The following HYAL4 variants were observed in gnomAD, a reference collection of about 807,000 sequenced individuals.
HYAL4 encodes the protein hyaluronidase-4.
A neutral mutation model predicts 35.2 loss-of-function variants in HYAL4; 37 were observed. The ratio of observed to expected loss-of-function variants is 1.05; its 90% CI spans 0.81 to 1.38. The LOEUF is 1.38. HYAL4 is among the 40% of genes most tolerant of loss of function. The pLI, the probability that HYAL4 is intolerant of heterozygous loss-of-function variation, is 0.00. For synonymous variants in HYAL4, 198 were observed against 203.2 expected, an observed-to-expected ratio of 0.97 and a Z score of 0.22; for missense variants, 572 against 572.4, an observed-to-expected ratio of 1.00 and a Z score of 0.01.
At chr7:123,834,019 G>A (rs1805923351) in intron 1 of HYAL4, among the ~76,000 whole-genome samples, 1 of 152,114 alleles carries the variant, frequency 6.6e-6, no homozygotes. Context: ...CAGGTAGTGT[G>A]ATGCTCCAGG....
chr7:123,876,950 AGTTTACT>A lies in HYAL4; in HGVS notation c.1244_1250del (p.Phe415Ter), dbSNP rs777422550. 2 of 1,614,086 alleles carry A rather than the reference AGTTTACT, an allele frequency of 1.2e-6. No homozygotes were observed. The highest frequency in any genetic ancestry group is 2.2e-5 in the South Asian group (2 of 91,082). ...CACATAGAGGCCTCTGAGGACGGGG[AGTTTACT>A]GTGAAAGGAAAAGCATCTGATACAG... On this transcript the variant is annotated frameshift_variant, in exon 5 of 5. Coordinates refer to ENST00000223026, the MANE Select transcript of HYAL4 (RefSeq NM_012269.3). LOFTEE classifies it low-confidence loss of function (END_TRUNC).
upstream of HYAL4, among the ~76,000 whole-genome samples, chr7:123,843,137 C>T (rs1040198746): frequency 1.2e-4 from 18 of 151,898 alleles, 1 homozygote; most frequent in African/African-American, 2.2e-4. Context: ...TGGCTGGTGC[C>T]GGTTGTTTCT....
chr7:123,839,002 T>C (rs1806011942), intron 1 of HYAL4, among the ~76,000 whole-genome samples: 1 of 152,118 alleles, frequency 6.6e-6, no homozygotes. Flanking sequence ...TAAATTATTA[T>C]TATACTTTAA....
the HYAL4 span, among the ~76,000 whole-genome samples, chr7:123,795,214 A>G: frequency 3.3e-5 from 5 of 152,238 alleles, no homozygotes; most frequent in African/African-American, 1.2e-4. Flanking sequence ...CATTGTATCT[A>G]GGAAGTAACT....
upstream of HYAL4, among the ~76,000 whole-genome samples, chr7:123,842,756 G>A (rs1015021281): frequency 4.6e-5 from 7 of 151,940 alleles, no homozygotes; most frequent in South Asian, 2.1e-4. Context: ...ATGTAATGGC[G>A]TTCTTTGTCT....
At chr7:123,809,338 A>T in the HYAL4 span, among the ~76,000 whole-genome samples, 1 of 151,214 alleles carries the variant, frequency 6.6e-6, no homozygotes, top group South Asian at 2.1e-4. Flanking sequence ...CTCCAAGTGC[A>T]CTGCGTGCAC....
At chr7:123,771,670 A>G in the HYAL4 span, among the ~76,000 whole-genome samples, 2 of 151,964 alleles carry the variant, frequency 1.3e-5, no homozygotes, top group African/African-American at 2.4e-5. Flanking sequence ...TACTTGACTT[A>G]TTGGTTAGTG....
At chr7:123,827,690 G>A (rs1035423038), upstream of HYAL4, among the ~76,000 whole-genome samples, 1 of 152,008 alleles carries the variant, frequency 6.6e-6, no homozygotes, top group African/African-American at 2.4e-5. Flanking sequence ...TGCTGGCCTC[G>A]TTCAACTACC....
chr7:123,857,006 A>G (rs997747089), intron 2 of HYAL4, among the ~76,000 whole-genome samples: 2 of 152,106 alleles, frequency 1.3e-5, no homozygotes, highest in Non-Finnish European at 2.9e-5. Flanking sequence ...CCGCCTACTC[A>G]AGCCTGGGTA....
chr7:123,857,733 C>CTTTCTTTCTTTCTTTCTTTA (rs1198587826), intron 2 of HYAL4, among the ~76,000 whole-genome samples: 1 of 144,182 alleles, frequency 6.9e-6, no homozygotes, highest in African/African-American at 2.6e-5. Context: ...TTCTTTCTTT[C>CTTTCTTTCTTTCTTTCTTTA]AATAGAAACA....
chr7:123,845,895 C>G (rs541585067), intron 1 of HYAL4, among the ~76,000 whole-genome samples: 1 of 152,158 alleles, frequency 6.6e-6, no homozygotes. Flanking sequence ...TTCCAGAGAG[C>G]TGAGTGGTAG....
the HYAL4 span, among the ~76,000 whole-genome samples, chr7:123,768,739 C>T: frequency 1.3e-5 from 2 of 152,172 alleles, no homozygotes; most frequent in African/African-American, 4.8e-5. Flanking sequence ...GCCAGGCAAA[C>T]AATTTCTCCC....
chr7:123,830,809 A>T (rs2116905446), intron 1 of HYAL4, among the ~76,000 whole-genome samples: 1 of 150,894 alleles, frequency 6.6e-6, no homozygotes, highest in Non-Finnish European at 1.5e-5. Context: ...TTTGCTTTCA[A>T]TTTTTTTTTC....
the HYAL4 span, among the ~76,000 whole-genome samples, chr7:123,809,222 T>C: frequency 6.6e-6 from 1 of 152,062 alleles, no homozygotes; most frequent in African/African-American, 2.4e-5. Flanking sequence ...ACCTGTCCAT[T>C]ATGTTCTTTG....
chr7:123,867,524 T>C lies in HYAL4; in HGVS notation c.-51-699T>C, dbSNP rs147395246. Among the ~76,000 whole-genome samples the C allele has an allele frequency of 3.3e-5, 5 of 152,224 alleles. No individual in the cohort carries two copies. The East Asian group carries it at 9.7e-4, about 29-fold the overall frequency. On this transcript the variant is annotated intron_variant, in intron 2 of 4. Transcript: ENST00000223026. The stretch of plus-strand genomic sequence containing the variant: ...GAACCCAGATAAGACAAATATAACT[T>C]TCTTAAGTTTTACCCTGGGAGGGTC...
the HYAL4 span, among the ~76,000 whole-genome samples, chr7:123,802,173 A>G: frequency 3.3e-5 from 5 of 152,212 alleles, no homozygotes; most frequent in Non-Finnish European, 5.9e-5. Context: ...TACTTGTTGC[A>G]GAAGTTTCTG....
the HYAL4 span, chr7:123,819,218 G>A: frequency 1.3e-5 from 2 of 152,496 alleles, no homozygotes; most frequent in Admixed American, 1.3e-4. Context: ...CCTTTGTTTT[G>A]GAAACAAAGA....
At chr7:123,785,017 T>C in the HYAL4 span, among the ~76,000 whole-genome samples, 262 of 152,292 alleles carry the variant, frequency 1.7e-3, no homozygotes, top group African/African-American at 5.9e-3. The surrounding 1 kb of genome is among the most constrained non-coding windows in gnomAD (Gnocchi z 4.5). Flanking sequence ...TTATTTTCAT[T>C]CTTCCATTTG....
chr7:123,808,418 CGTGTGTGTGTGTGT>C, the HYAL4 span, among the ~76,000 whole-genome samples: 15,028 of 142,656 alleles, frequency 0.11, 1,015 homozygotes, highest in Non-Finnish European at 0.16. Context: ...TGTATCATCA[CGTGTGTGTGTGTGT>C]GTGTGTGTGT....
Sources: allele counts gnomAD v4.1 joint callset (sites outside exome capture counted in the v4.1 genomes callset), GRCh38; gene constraint gnomAD v4.1.1; non-coding constraint Gnocchi (gnomAD v3.1); transcripts MANE v1.5; gene names NCBI Gene and HGNC (gene_info 2026-07-23, HGNC 2026-07-21).